DISC1: variants seen among roughly 807,000 people sequenced by gnomAD.
DISC1 encodes disrupted in schizophrenia 1 protein.
DISC1 carries 57 observed loss-of-function variants against 84.5 expected under a neutral mutation model. The ratio of observed to expected loss-of-function variants is 0.67; its 90% CI spans 0.55 to 0.84. The LOEUF is 0.84. DISC1 is among the 40% of genes least tolerant of loss of function. The pLI, the probability that DISC1 is intolerant of heterozygous loss-of-function variation, is 0.00. For synonymous variants in DISC1, 411 were observed against 415.2 expected, an observed-to-expected ratio of 0.99 and a Z score of 0.12; for missense variants, 1,000 against 1,057.8, an observed-to-expected ratio of 0.95 and a Z score of 0.76.
chr1:231,969,593 TCTTTC>T (rs1319292358), intron 10 of DISC1, among the ~76,000 whole-genome samples: 1 of 21,980 alleles, frequency 4.5e-5, no homozygotes, highest in African/African-American at 2.2e-4. Flanking sequence ...TTTCTTTCTT[TCTTTC>T]TTTTTTTTTT....
At chr1:231,742,223 C>G (rs980557478) in intron 3 of DISC1, among the ~76,000 whole-genome samples, 62 of 152,300 alleles carry the variant, frequency 4.1e-4, no homozygotes, top group African/African-American at 1.4e-3. Context: ...TCTCTGGGAG[C>G]TCCCTCTGCC....
chr1:231,648,269 T>G (rs1437464456), intron 1 of DISC1, among the ~76,000 whole-genome samples: 3 of 152,206 alleles, frequency 2.0e-5, no homozygotes, highest in African/African-American at 7.2e-5. Context: ...TAGCATGAAG[T>G]GCTGTTGAAT....
chr1:232,017,130 G>A (rs186979596), intron 11 of DISC1, among the ~76,000 whole-genome samples: 1 of 152,096 alleles, frequency 6.6e-6, no homozygotes, highest in Non-Finnish European at 1.5e-5. Context: ...AAACCATATC[G>A]CATTCCTGAA....
chr1:231,657,852 G>A (rs1022181568), intron 1 of DISC1, among the ~76,000 whole-genome samples: 1 of 152,082 alleles, frequency 6.6e-6, no homozygotes, highest in African/African-American at 2.4e-5. Context: ...GTCTGTTCCT[G>A]TACCAATACC....
intron 9 of DISC1, among the ~76,000 whole-genome samples, chr1:231,936,771 T>A (rs2126120586): frequency 1.3e-5 from 2 of 152,192 alleles, no homozygotes; most frequent in Admixed American, 1.3e-4. Context: ...CCCATAGGAG[T>A]TTTATCCATC....
intron 9 of DISC1, among the ~76,000 whole-genome samples, chr1:231,840,614 G>A (rs560776570): frequency 1.6e-4 from 25 of 152,220 alleles, no homozygotes; most frequent in African/African-American, 6.0e-4. Context: ...TAAGGGCAGG[G>A]TTTAGGAATT....
At chr1:231,938,783 C>T (rs929282606) in intron 9 of DISC1, among the ~76,000 whole-genome samples, 1 of 152,200 alleles carries the variant, frequency 6.6e-6, no homozygotes, top group Non-Finnish European at 1.5e-5. Flanking sequence ...AACTGACAGC[C>T]GGTCCCTATT....
chr1:232,030,298 C>A (rs1334454024), intron 12 of DISC1, among the ~76,000 whole-genome samples: 1 of 152,322 alleles, frequency 6.6e-6, no homozygotes, highest in Non-Finnish European at 1.5e-5. Flanking sequence ...ATATTGTAAC[C>A]AAAAGCCTTC....
At chr1:231,737,670 GA>G (rs1229568983) in intron 3 of DISC1, among the ~76,000 whole-genome samples, 13 of 152,126 alleles carry the variant, frequency 8.5e-5, no homozygotes, top group African/African-American at 2.4e-4. Flanking sequence ...TAGTGCTGGG[GA>G]TATGTATTAA....
intron 1 of DISC1, among the ~76,000 whole-genome samples, chr1:231,663,988 G>A (rs2125395400): frequency 6.6e-6 from 1 of 152,108 alleles, no homozygotes; most frequent in Non-Finnish European, 1.5e-5. Context: ...TTAATTTTGT[G>A]AGCTTCAGTT....
At chr1:231,692,167 G>A (rs1358352210) in intron 1 of DISC1, among the ~76,000 whole-genome samples, 1 of 152,158 alleles carries the variant, frequency 6.6e-6, no homozygotes, top group African/African-American at 2.4e-5. Flanking sequence ...TGTATTATTG[G>A]TAAAATGGGA....
intron 3 of DISC1, among the ~76,000 whole-genome samples, chr1:231,705,291 C>CAAAAAA (rs35677987): frequency 1.1e-3 from 12 of 11,016 alleles, no homozygotes; most frequent in Admixed American, 5.0e-3. Flanking sequence ...GACTCCATCT[C>CAAAAAA]AAAAAAAAAA....
At chr1:231,962,612 G>A (rs887139575) in intron 10 of DISC1, among the ~76,000 whole-genome samples, 4 of 152,122 alleles carry the variant, frequency 2.6e-5, no homozygotes. Context: ...ATTTCTTTAT[G>A]GTCAGCTCCA....
chr1:231,983,230 T>C (rs1663871146), intron 10 of DISC1, among the ~76,000 whole-genome samples: 1 of 151,658 alleles, frequency 6.6e-6, no homozygotes, highest in African/African-American at 2.4e-5. Flanking sequence ...TCATAGGGAG[T>C]TGTTTCACCA....
chr1:231,941,157 C>A (rs2091315618), intron 9 of DISC1: 1 of 152,226 alleles, frequency 6.6e-6, no homozygotes, highest in Non-Finnish European at 1.5e-5. Context: ...GATATCCCTA[C>A]ATTGGGCTGC....
chr1:231,756,086 C>T (rs2075083254), intron 4 of DISC1, among the ~76,000 whole-genome samples: 1 of 152,216 alleles, frequency 6.6e-6, no homozygotes, highest in South Asian at 2.1e-4. Flanking sequence ...CTAGACATTA[C>T]CAGCATCTGC....
chr1:231,916,389 G>A (rs36014448), intron 9 of DISC1, among the ~76,000 whole-genome samples: 2,134 of 152,076 alleles, frequency 0.014, 29 homozygotes, highest in Non-Finnish European at 0.02. Context: ...AGAAAGTTCC[G>A]AAGAGCTGTA....
chr1:231,699,213 A>C (rs200095902), intron 2 of DISC1, among the ~76,000 whole-genome samples: 23 of 152,196 alleles, frequency 1.5e-4, no homozygotes, highest in South Asian at 6.2e-4. Context: ...CCTGTTCAGC[A>C]GAACAAGGAG....
chr1:231,828,173 T>C (rs1380086784), intron 9 of DISC1, among the ~76,000 whole-genome samples: 2 of 152,200 alleles, frequency 1.3e-5, no homozygotes, highest in East Asian at 1.9e-4. Context: ...AAATCTGATA[T>C]TTTCCTTCCC....
Sources: gnomAD v4.1 joint callset for allele counts (sites outside exome capture counted in the v4.1 genomes callset) on GRCh38, gnomAD v4.1.1 for gene constraint, MANE v1.5 for transcripts, NCBI Gene and HGNC (gene_info 2026-07-23, HGNC 2026-07-21) for gene names.